GPBP1L1: variants seen among roughly 807,000 people sequenced by gnomAD.
The protein encoded by GPBP1L1 is GC-rich promoter binding protein 1 like 1.
A neutral mutation model predicts 52.5 loss-of-function variants in GPBP1L1; 23 were observed. The ratio of observed to expected loss-of-function variants is 0.44; its 90% CI spans 0.32 to 0.62. The LOEUF is 0.62. Among genes scored for constraint, GPBP1L1 ranks in the 20% least tolerant of loss-of-function variants. The pLI is 0.06. For missense variants in GPBP1L1, 596 were observed against 579.3 expected, an observed-to-expected ratio of 1.03 and a Z score of -0.30; for synonymous variants, 243 against 203.1, an observed-to-expected ratio of 1.20 and a Z score of -1.67.
chr1:45,680,078 T>G (rs1405424978), intron 2 of GPBP1L1, among the ~76,000 whole-genome samples: 1 of 151,980 alleles, frequency 6.6e-6, no homozygotes. Flanking sequence ...AGACCCTGTC[T>G]CTACAAAATA....
At chr1:45,666,893 G>T (rs546577541) in intron 2 of GPBP1L1, among the ~76,000 whole-genome samples, 1 of 152,294 alleles carries the variant, frequency 6.6e-6, no homozygotes, top group Admixed American at 6.5e-5. Context: ...ACTGATATAA[G>T]CTACAACATG....
chr1:45,684,119 G>A (rs1645248402), intron 2 of GPBP1L1, among the ~76,000 whole-genome samples: 7 of 151,688 alleles, frequency 4.6e-5, no homozygotes, highest in Middle Eastern at 3.4e-3. Flanking sequence ...TTAGCCAGGC[G>A]TAGTGGTGAG....
At chr1:45,655,805 G>A (rs982862262) in intron 4 of GPBP1L1, 1 of 154,566 alleles carries the variant, frequency 6.5e-6, no homozygotes, top group African/African-American at 2.4e-5. Context: ...GAAGTCTCAC[G>A]GTCGCCCAGG....
chr1:45,634,367 T>C (rs1644568664), intron 8 of GPBP1L1, 131 bp from the exon 9 acceptor site: 2 of 912,780 alleles, frequency 2.2e-6, no homozygotes, highest in South Asian at 4.9e-5. Flanking sequence ...TCTTAACATG[T>C]TTGGGAAGTA....
intron 6 of GPBP1L1, among the ~76,000 whole-genome samples, chr1:45,643,973 T>C (rs1342429970): frequency 6.6e-6 from 1 of 151,926 alleles, no homozygotes; most frequent in Non-Finnish European, 1.5e-5. Context: ...AGCAGGAAAA[T>C]GGCTTTTCAG....
At chr1:45,663,863 G>C (rs934011156) in intron 2 of GPBP1L1, among the ~76,000 whole-genome samples, 2 of 152,026 alleles carry the variant, frequency 1.3e-5, no homozygotes, top group Non-Finnish European at 2.9e-5. Flanking sequence ...TTAGGGCTGT[G>C]GCTATTTTTA....
chr1:45,647,922 C>T (rs1271819649), intron 6 of GPBP1L1, among the ~76,000 whole-genome samples: 2 of 152,146 alleles, frequency 1.3e-5, no homozygotes, highest in Middle Eastern at 3.4e-3. Flanking sequence ...TGTATGTATG[C>T]ATATATGTCT....
intron 2 of GPBP1L1, among the ~76,000 whole-genome samples, chr1:45,681,633 T>C (rs1645213334): frequency 6.6e-6 from 1 of 152,238 alleles, no homozygotes; most frequent in Non-Finnish European, 1.5e-5. Context: ...AGACAACTTC[T>C]CTAATAATCA....
chr1:45,656,648 C>T (rs941520843), intron 4 of GPBP1L1, among the ~76,000 whole-genome samples: 2 of 151,026 alleles, frequency 1.3e-5, no homozygotes, highest in African/African-American at 4.9e-5. Flanking sequence ...AGTCAAAAAT[C>T]AACAAAATAC....
At position 45,642,597 on chromosome 1, in the gene GPBP1L1, A is replaced by G. The variant is rs1401295564; in HGVS notation, c.478-98T>C. 4 of 795,304 alleles carry G rather than the reference A, an allele frequency of 5.0e-6. No homozygotes were observed. The East Asian group carries it at 7.4e-5, about 15-fold the overall frequency. 49.3% of individuals were successfully genotyped at this position (795,304 alleles called of 1,614,324 possible). A position where few individuals can be genotyped will look rare whatever the true frequency, so the allele number is the denominator to read the frequency against. On this transcript the variant is annotated intron_variant, in intron 6 of 12. Coordinates refer to ENST00000355105, the MANE Select transcript of GPBP1L1 (RefSeq NM_021639.5). ...ACCATGGAACCTATCAAATAATTAC[A>G]TATTTTACATATTAGCAACACTTAC...
At chr1:45,662,841 A>C (rs1469830361) in intron 2 of GPBP1L1, among the ~76,000 whole-genome samples, 2 of 152,086 alleles carry the variant, frequency 1.3e-5, no homozygotes, top group African/African-American at 4.8e-5. Flanking sequence ...AATGGAGGTC[A>C]AGAGTTCAAG....
At chr1:45,677,272 G>A (rs1456825625) in intron 2 of GPBP1L1, among the ~76,000 whole-genome samples, 3 of 150,224 alleles carry the variant, frequency 2.0e-5, no homozygotes, top group African/African-American at 7.4e-5. Context: ...GGAGGCGGAG[G>A]TTGCAGTGAG....
chr1:45,648,891 A>AG (rs1343372458), intron 6 of GPBP1L1, among the ~76,000 whole-genome samples: 1 of 152,150 alleles, frequency 6.6e-6, no homozygotes, highest in Non-Finnish European at 1.5e-5. Context: ...AGCTGGGCGT[A>AG]GGGGTGCGCA....
chr1:45,687,217 A>G (rs1221067625), upstream of GPBP1L1: 1 of 152,240 alleles, frequency 6.6e-6, no homozygotes, highest in Admixed American at 6.5e-5. Context: ...GAAGGGCGGG[A>G]TTCCGGCGAG....
intron 2 of GPBP1L1, among the ~76,000 whole-genome samples, chr1:45,673,908 A>T (rs1645106730): frequency 6.6e-6 from 1 of 152,074 alleles, no homozygotes; most frequent in Admixed American, 6.6e-5. Context: ...ACCCTAATCA[A>T]TATACTCTCA....
chr1:45,639,843 A>C (rs1035840953), intron 8 of GPBP1L1, among the ~76,000 whole-genome samples: 1 of 152,082 alleles, frequency 6.6e-6, no homozygotes, highest in Non-Finnish European at 1.5e-5. Flanking sequence ...GTGCCACTGC[A>C]CTCCAGCCTG....
At chr1:45,684,348 C>T (rs948470061) in intron 2 of GPBP1L1, among the ~76,000 whole-genome samples, 1 of 151,816 alleles carries the variant, frequency 6.6e-6, no homozygotes, top group Non-Finnish European at 1.5e-5. Context: ...CAGTCAGTCC[C>T]TGGCACATCA....
chr1:45,653,946 G>A (rs966372688), intron 6 of GPBP1L1, among the ~76,000 whole-genome samples: 17 of 151,776 alleles, frequency 1.1e-4, no homozygotes, highest in African/African-American at 1.5e-4. Context: ...TGATCCACCC[G>A]CCTCGGCTTC....
At chr1:45,676,584 C>G (rs183155421) in intron 2 of GPBP1L1, among the ~76,000 whole-genome samples, 22 of 152,016 alleles carry the variant, frequency 1.4e-4, no homozygotes, top group African/African-American at 5.1e-4. Context: ...GTGGCAGGCA[C>G]CTGTAATCCC....
Sources: allele counts gnomAD v4.1 joint callset (sites outside exome capture counted in the v4.1 genomes callset), GRCh38; gene constraint gnomAD v4.1.1; transcripts MANE v1.5; gene names NCBI Gene and HGNC (gene_info 2026-07-23, HGNC 2026-07-21).